The following CDKN2B-AS1 variants were observed in gnomAD, a reference collection of about 807,000 sequenced individuals.
CDKN2B-AS1 encodes the protein CDKN2B and CDKN2A antisense cis and trans regulatory RNA 1.
At chr9:22,112,187 A>G (rs570955379) in intron 4 of CDKN2B-AS1, 2 of 152,320 alleles carry the variant, frequency 1.3e-5, no homozygotes, top group African/African-American at 4.8e-5. Context: ...GAACAATCAA[A>G]CCATTTTGAA....
At position 21,997,666 on chromosome 9, in the gene CDKN2B-AS1, TA is replaced by T. The variant is rs939550690; in HGVS notation, n.29+2507del. 6.7e-4 allele frequency among the ~76,000 whole-genome samples: 102 copies of T among 152,254 alleles called. 1 individual carries two copies. Among genetic ancestry groups the T allele is most frequent in the African/African-American group, 2.4e-3 (99 of 41,556 alleles). On this transcript the variant is annotated intron_variant and non_coding_transcript_variant, in intron 1 of 4. Transcript: ENST00000650946. The surrounding 1 kb of genome is among the most constrained non-coding windows in gnomAD (Gnocchi z 4.8). ...CTTGAGGGACCTCAGTCATTTCTCTTAAGCTCTTCAACTGCTTGGATGAGGA... is the reference window on the plus strand; with the variant it reads ...CTTGAGGGACCTCAGTCATTTCTCTTAGCTCTTCAACTGCTTGGATGAGGA...
chr9:22,052,360 A>G (rs369160430), intron 3 of CDKN2B-AS1, among the ~76,000 whole-genome samples: 82 of 152,298 alleles, frequency 5.4e-4, no homozygotes, highest in Non-Finnish European at 2.6e-4. Context: ...ACCTAACTGT[A>G]TATTTTCAGA....
chr9:22,101,463 A>G (rs1336116922), intron 4 of CDKN2B-AS1, among the ~76,000 whole-genome samples: 3 of 152,194 alleles, frequency 2.0e-5, no homozygotes, highest in East Asian at 1.9e-4. Context: ...TGTTATGTCA[A>G]TTTTAAGTAA....
intron 4 of CDKN2B-AS1, chr9:22,117,623 A>T (rs559185843): frequency 1.3e-5 from 2 of 152,374 alleles, no homozygotes; most frequent in African/African-American, 2.4e-5. Flanking sequence ...AACTCTTGCT[A>T]TCCCCTGCTG....
chr9:22,009,650 G>C (rs1821402439), intron 1 of CDKN2B-AS1, among the ~76,000 whole-genome samples: 1 of 152,236 alleles, frequency 6.6e-6, no homozygotes, highest in Non-Finnish European at 1.5e-5. Flanking sequence ...CTGTGGAGAC[G>C]TTGGTGGCTC....
At chr9:22,124,368 C>T (rs1430489685) in intron 4 of CDKN2B-AS1, among the ~76,000 whole-genome samples, 1 of 152,060 alleles carries the variant, frequency 6.6e-6, no homozygotes, top group Non-Finnish European at 1.5e-5. Flanking sequence ...AACAAACAGC[C>T]AATTTGTGGA....
intron 1 of CDKN2B-AS1, chr9:22,030,759 A>C (rs1006414621): frequency 6.6e-6 from 1 of 151,948 alleles, no homozygotes; most frequent in African/African-American, 2.4e-5. Flanking sequence ...GTATTAATTG[A>C]AATAGTATAT....
chr9:22,110,305 A>T (rs1825772135), intron 4 of CDKN2B-AS1, among the ~76,000 whole-genome samples: 1 of 152,156 alleles, frequency 6.6e-6, no homozygotes, highest in Non-Finnish European at 1.5e-5. Flanking sequence ...TAGAATTCTT[A>T]GCTGTGATTG....
At chr9:22,029,006 G>C (rs1235933514) in intron 1 of CDKN2B-AS1, among the ~76,000 whole-genome samples, 1 of 151,388 alleles carries the variant, frequency 6.6e-6, no homozygotes, top group Non-Finnish European at 1.5e-5. Context: ...CTTAATTTGG[G>C]ACAATTTGGA....
chr9:22,078,470 C>G (rs1028429724), intron 4 of CDKN2B-AS1, among the ~76,000 whole-genome samples: 4 of 152,136 alleles, frequency 2.6e-5, no homozygotes, highest in African/African-American at 9.7e-5. Context: ...GGCAGTTAGG[C>G]CTTTACTTAC....
At chr9:22,065,997 A>G (rs890809550) in intron 4 of CDKN2B-AS1, among the ~76,000 whole-genome samples, 4 of 152,154 alleles carry the variant, frequency 2.6e-5, no homozygotes, top group African/African-American at 9.7e-5. Flanking sequence ...GTTCTTTGAA[A>G]TAGCATTGAT....
In CDKN2B-AS1 at chr9:22,029,555, T is replaced by C. The variant is rs1449585269; in HGVS notation, n.30-17196T>C. 3 of 778,902 alleles carry C rather than the reference T, an allele frequency of 3.9e-6. No homozygotes were observed. The Admixed American group carries it at 5.1e-5, about 13-fold the overall frequency. The allele number at this position is 778,902 out of a possible 1,614,324, so 48.2% of individuals were successfully genotyped here. The stretch of plus-strand genomic sequence containing the variant: ...CCCCCATGACTTTCTTTGTGGTAGT[T>C]AGGGTGTGGTATGTGCCACTGAGGC... On this transcript the variant is annotated intron_variant and non_coding_transcript_variant, in intron 1 of 4. Transcript: ENST00000650946.
intron 1 of CDKN2B-AS1, among the ~76,000 whole-genome samples, chr9:22,017,405 G>A (rs983040729): frequency 1.9e-4 from 29 of 152,276 alleles, no homozygotes; most frequent in Non-Finnish European, 2.4e-4. Context: ...CAACCTACCC[G>A]TTTCACACAA....
chr9:22,027,651 T>C (rs1428998764), intron 1 of CDKN2B-AS1, among the ~76,000 whole-genome samples: 1 of 152,200 alleles, frequency 6.6e-6, no homozygotes, highest in Non-Finnish European at 1.5e-5. Context: ...AAATAGCCAT[T>C]CAGCAAATAT....
intron 1 of CDKN2B-AS1, chr9:22,009,111 TG>T: frequency 2.6e-6 from 3 of 1,134,654 alleles, no homozygotes; most frequent in Non-Finnish European, 3.8e-6. Context: ...TTCTGCGGCT[TG>T]GGGCCCCGTG....
intron 3 of CDKN2B-AS1, among the ~76,000 whole-genome samples, chr9:22,055,966 T>C (rs987696397): frequency 6.6e-6 from 1 of 152,028 alleles, no homozygotes; most frequent in Non-Finnish European, 1.5e-5. Context: ...GAAGAAAGCA[T>C]ATTTTATTAG....
chr9:22,119,724 G>C (rs773604304), intron 4 of CDKN2B-AS1: 3 of 152,234 alleles, frequency 2.0e-5, no homozygotes, highest in Non-Finnish European at 4.4e-5. Context: ...AAGCTTTCAT[G>C]ATGAGTGCCA....
chr9:22,097,036 G>A (rs1825302919), intron 4 of CDKN2B-AS1, among the ~76,000 whole-genome samples: 1 of 152,172 alleles, frequency 6.6e-6, no homozygotes, highest in Non-Finnish European at 1.5e-5. Flanking sequence ...GGCTTATGTG[G>A]TCAGATGCAG....
chr9:22,026,961 CTCCACG>C (rs1278054938), intron 1 of CDKN2B-AS1, among the ~76,000 whole-genome samples: 1 of 152,182 alleles, frequency 6.6e-6, no homozygotes, highest in African/African-American at 2.4e-5. Context: ...TTTCCCTTGA[CTCCACG>C]TCTTTCCCAA....
Sources: gnomAD v4.1 joint callset for allele counts (sites outside exome capture counted in the v4.1 genomes callset) on GRCh38, gnomAD v4.1.1 for gene constraint, Gnocchi (gnomAD v3.1) non-coding constraint, MANE v1.5 for transcripts, NCBI Gene and HGNC (gene_info 2026-07-23, HGNC 2026-07-21) for gene names.